The following PLA2G15 variants were observed in gnomAD, a reference collection of about 807,000 sequenced individuals.
PLA2G15 encodes the protein lysosomal phospholipase A and acyltransferase.
A neutral mutation model predicts 40.9 loss-of-function variants in PLA2G15; 20 were observed. That is an observed-to-expected ratio of 0.49 (90% CI 0.34 to 0.71). PLA2G15 has a LOEUF of 0.71. Ranked by LOEUF, PLA2G15 falls within the 30% of genes least tolerant of loss-of-function variation. The pLI is 0.01. For synonymous variants in PLA2G15, 223 were observed against 228.2 expected (o/e 0.98, Z 0.21); for missense variants, 471 against 541.9 (o/e 0.87, Z 1.30).
chr16:68,255,652 T>C lies in PLA2G15; in HGVS notation c.503-114T>C, dbSNP rs1473469059. 3.4e-6 allele frequency: 3 copies of C among 870,192 alleles called. No individual in the cohort carries two copies. The highest frequency in any genetic ancestry group is 3.8e-6 in the Non-Finnish European group (2 of 531,580). The allele number at this position is 870,192 out of a possible 1,614,324, so 53.9% of individuals were successfully genotyped here. ...GCGGGGGGACCCAGACCGCTCTGTT[T>C]GAATGTGAGCACCCTCCCCTCCCCC... On this transcript the variant is annotated intron_variant, in intron 4 of 5. Transcript: ENST00000219345. The surrounding 1 kb of genome is among the most constrained non-coding windows in gnomAD (Gnocchi z 5.9).
At chr16:68,256,182 A>G (rs886552443) in intron 5 of PLA2G15, 192 bp downstream of exon 5, 8 of 561,970 alleles carry the variant, frequency 1.4e-5, no homozygotes, top group Admixed American at 3.3e-5. Context: ...AAAGCATTTA[A>G]TAGGGACATA....
Position 68,256,194 on chromosome 16 carries a change from G to A in PLA2G15, c.727+204G>A, listed in dbSNP as rs2042400642. On this transcript the variant is annotated intron_variant, in intron 5 of 5. Transcript: ENST00000219345. ...AGAAAAGCATTTAATAGGGACATAC[G>A]AATAGAAGCCACATCTGTGTCTCAG... 4 of 534,348 alleles carry A rather than the reference G, an allele frequency of 7.5e-6. No individual in the cohort carries two copies. The East Asian group carries it at 9.3e-5, about 12-fold the overall frequency. The allele number at this position is 534,348 out of a possible 1,614,324, so 33.1% of individuals were successfully genotyped here. A position where few individuals can be genotyped will look rare whatever the true frequency, so the allele number is the denominator to read the frequency against.
intron 2 of PLA2G15, 67 bp downstream of exon 2, chr16:68,249,513 G>C (rs2042336969): frequency 6.9e-7 from 1 of 1,448,442 alleles, no homozygotes; most frequent in Non-Finnish European, 9.7e-7. Context: ...TCCAGAGTCT[G>C]TTCCTTCTAT....
At position 68,255,795 on chromosome 16, in the gene PLA2G15, C is replaced by T. The variant is rs374139093; in HGVS notation, c.532C>T (p.Arg178Cys). The T allele has an allele frequency of 6.3e-5, 101 of 1,614,106 alleles. 1 individual carries two copies. The East Asian group carries it at 6.5e-4, about 10-fold the overall frequency. The change falls in exon 5 of 6, where the codon CGC becomes TGC. Residue 178 changes from arginine (R) to cysteine (C), a missense_variant. Arg to Cys is a radical substitution (Grantham distance 180). Coordinates refer to ENST00000219345, the MANE Select transcript of PLA2G15 (RefSeq NM_012320.4). The surrounding 1 kb of genome is among the most constrained non-coding windows in gnomAD (Gnocchi z 5.9). Reference protein sequence around the residue: ...NENGPYFLALREMIEEMYQLY... With the variant: ...NENGPYFLALCEMIEEMYQLY... ...AAACGGGCCCTACTTCCTGGCCCTC[C>T]GCGAGATGATCGAGGAGATGTACCA...
At chr16:68,256,959 C>A (rs1336901647) in intron 5 of PLA2G15, among the ~76,000 whole-genome samples, 1 of 151,226 alleles carries the variant, frequency 6.6e-6, no homozygotes, top group Admixed American at 6.6e-5. Context: ...TTGGTTCATG[C>A]AACCTCCACC....
intron 1 of PLA2G15, 144 bp from the exon 2 acceptor site, chr16:68,249,146 C>G (rs937124574): frequency 4.5e-6 from 3 of 665,512 alleles, no homozygotes; most frequent in Non-Finnish European, 5.2e-6. Context: ...GCCACCAGCA[C>G]TGTGCTTTAA....
chr16:68,249,292 C>T lies in PLA2G15; in HGVS notation c.130C>T (p.Pro44Ser), dbSNP rs2042334836. The T allele has an allele frequency of 1.2e-6, 2 of 1,613,942 alleles. No homozygotes were observed. Among genetic ancestry groups the T allele is most frequent in the East Asian group, 2.2e-5 (1 of 44,898 alleles). Residue 44 changes from proline (P) to serine (S), a missense_variant and splice_region_variant, in exon 2 of 6, where the codon CCT (proline) becomes TCT (serine). Transcript: ENST00000219345. ...AGRHPPVVLVPGDLGNQLEAK... is the reference protein window; with the variant it reads ...AGRHPPVVLVSGDLGNQLEAK... The stretch of plus-strand genomic sequence containing the variant: ...CACATGTCCTGTGCCCCCTGCAGTC[C>T]CTGGTGATTTGGGTAACCAACTGGA...
At chr16:68,256,188 A>T in intron 5 of PLA2G15, 198 bp downstream of exon 5, 1 of 547,490 alleles carries the variant, frequency 1.8e-6, no homozygotes. Flanking sequence ...TTTAATAGGG[A>T]CATACGAATA....
rs1182515334 is a variant in PLA2G15, at chr16:68,254,976, T to C, written c.342T>C (p.Arg114=). 1 of 1,614,000 alleles carries C rather than the reference T, an allele frequency of 6.2e-7. No individual in the cohort carries two copies. Among genetic ancestry groups the C allele is most frequent in the Admixed American group, 1.7e-5 (1 of 60,000 alleles). ...ATQFPDGVDV[R]VPGFGKTFSL... ...AGTTTCCTGATGGTGTGGATGTACG[T>C]GTCCCTGGCTTTGGGAAGACCTTCT... is the stretch of plus-strand genomic sequence containing the variant. Residue 114 remains arginine, a synonymous_variant, in exon 3 of 6, where the codon CGT becomes CGC. Coordinates refer to ENST00000219345, the MANE Select transcript of PLA2G15 (RefSeq NM_012320.4).
Position 68,255,753 on chromosome 16 carries a change from C to A in PLA2G15, c.503-13C>A, listed in dbSNP as rs377441522. The A allele has an allele frequency of 1.2e-6, 2 of 1,611,584 alleles. No homozygotes were observed. The highest frequency in any genetic ancestry group is 2.7e-5 in the African/African-American group (2 of 74,914). ...CCCTTCCCACCTGACCCCTGCCTGG[C>A]TCTGGCCTGCAGATGAAAACGGGCC... is the stretch of plus-strand genomic sequence containing the variant. On this transcript the variant is annotated splice_polypyrimidine_tract_variant and intron_variant, in intron 4 of 5. Transcript: ENST00000219345. This position sits in a 1 kb window ranked among gnomAD's most constrained non-coding sequence, Gnocchi z 5.9.
At chr16:68,254,210 G>A (rs2042381117) in intron 2 of PLA2G15, 1 of 152,116 alleles carries the variant, frequency 6.6e-6, no homozygotes, top group Non-Finnish European at 1.5e-5. Flanking sequence ...GGGGGAGAGG[G>A]GAATGTTGCT....
intron 1 of PLA2G15, among the ~76,000 whole-genome samples, chr16:68,246,064 T>G (rs544167595): frequency 6.6e-6 from 1 of 152,298 alleles, no homozygotes; most frequent in East Asian, 1.9e-4. Flanking sequence ...CTCCCACAAC[T>G]TATCAGATGT....
At chr16:68,251,013 C>T (rs1403474941) in intron 2 of PLA2G15, among the ~76,000 whole-genome samples, 2 of 152,310 alleles carry the variant, frequency 1.3e-5, no homozygotes, top group Non-Finnish European at 1.5e-5. Flanking sequence ...GCATGTTTGC[C>T]CAAATTGCAC....
chr16:68,257,905 A>G (rs2042414435), intron 5 of PLA2G15, among the ~76,000 whole-genome samples: 1 of 152,088 alleles, frequency 6.6e-6, no homozygotes, highest in African/African-American at 2.4e-5. Context: ...GCAGTCCAGG[A>G]CTGGGTGTGT....
In PLA2G15 at chr16:68,255,135, C is replaced by T; in HGVS notation, c.403+98C>T. ...AACTCTGCTGGTTTGTAGGGACAGC[C>T]TGTGAGCTGTCTCTGATCAGCGTGG... is the stretch of plus-strand genomic sequence containing the variant. On this transcript the variant is annotated intron_variant, in intron 3 of 5. Coordinates refer to ENST00000219345, the MANE Select transcript of PLA2G15 (RefSeq NM_012320.4). The surrounding 1 kb of genome is among the most constrained non-coding windows in gnomAD (Gnocchi z 5.9). The T allele has an allele frequency of 2.0e-6, 2 of 1,004,580 alleles. No homozygotes were observed. The highest frequency in any genetic ancestry group is 2.4e-5 in the East Asian group (1 of 41,862). The allele number at this position is 1,004,580 out of a possible 1,614,324, so 62.2% of individuals were successfully genotyped here.
chr16:68,245,401 C>G lies in PLA2G15; in HGVS notation c.-26C>G. 1 of 1,599,126 alleles carries G rather than the reference C, an allele frequency of 6.3e-7. No homozygotes were observed. The highest frequency in any genetic ancestry group is 8.5e-7 in the Non-Finnish European group (1 of 1,178,010). On this transcript the variant is annotated 5_prime_UTR_variant, in exon 1 of 6. Transcript: ENST00000219345. ...AGCCCAGAGAGCTGAACCTGCATCC[C>G]GGACCTGCGGCGACCGTCGTACACC...
In PLA2G15 at chr16:68,255,840, G is replaced by A. The variant is rs778428681; in HGVS notation, c.577G>A (p.Val193Met). The change falls in exon 5 of 6, where the codon GTG becomes ATG. Residue 193 changes from valine (V) to methionine (M), a missense_variant. Val to Met is a conservative substitution (Grantham distance 21). Coordinates refer to ENST00000219345, the MANE Select transcript of PLA2G15 (RefSeq NM_012320.4). This position sits in a 1 kb window ranked among gnomAD's most constrained non-coding sequence, Gnocchi z 5.9. The stretch of plus-strand genomic sequence containing the variant: ...GTACCAGCTGTATGGGGGCCCCGTG[G>A]TGCTGGTTGCCCACAGTATGGGCAA... ...EMYQLYGGPV[V>M]LVAHSMGNMY... 1.2e-5 allele frequency: 19 copies of A among 1,614,094 alleles called. No homozygotes were observed. In the African/African-American group the frequency reaches 2.5e-4, roughly 22 times the overall value.
At chr16:68,249,208 G>A in intron 1 of PLA2G15, 82 bp from the exon 2 acceptor site, 1 of 1,118,328 alleles carries the variant, frequency 8.9e-7, no homozygotes, top group South Asian at 1.4e-5. Context: ...GCTCTTCAGG[G>A]GGTCTGCTGC....
intron 2 of PLA2G15, among the ~76,000 whole-genome samples, chr16:68,253,187 GC>G (rs906291626): frequency 6.6e-6 from 1 of 152,094 alleles, no homozygotes. Context: ...TTGGAGGTTG[GC>G]TGGCTGCTGT....
Sources: gnomAD v4.1 joint callset for allele counts (sites outside exome capture counted in the v4.1 genomes callset) on GRCh38, gnomAD v4.1.1 for gene constraint, Gnocchi (gnomAD v3.1) non-coding constraint, MANE v1.5 for transcripts, NCBI Gene and HGNC (gene_info 2026-07-23, HGNC 2026-07-21) for gene names.